RIN3: variants seen among roughly 807,000 people sequenced by gnomAD.
RIN3 encodes the protein RAB5 interacting protein 3.
Under a neutral mutation model 76.3 loss-of-function variants are expected in RIN3, and 54 were observed. The ratio of observed to expected loss-of-function variants is 0.71; its 90% CI spans 0.57 to 0.89. The LOEUF is 0.89. Among genes scored for constraint, RIN3 ranks in the 40% least tolerant of loss-of-function variants. The pLI is 0.00. For missense variants in RIN3, 1,256 were observed against 1,322.1 expected, an observed-to-expected ratio of 0.95 and a Z score of 0.78; for synonymous variants, 576 against 564.0, an observed-to-expected ratio of 1.02 and a Z score of -0.30.
intron 6 of RIN3, among the ~76,000 whole-genome samples, chr14:92,653,307 G>A (rs1887542982): frequency 6.6e-6 from 1 of 152,028 alleles, no homozygotes; most frequent in African/African-American, 2.4e-5. Flanking sequence ...TGTATTATCT[G>A]CACCCTCTCT....
intron 3 of RIN3, among the ~76,000 whole-genome samples, chr14:92,597,397 A>C (rs376728942): frequency 3.6e-4 from 55 of 152,168 alleles, no homozygotes; most frequent in African/African-American, 1.2e-3. Flanking sequence ...GAGGACCAAA[A>C]CCCTGTCATT....
intron 1 of RIN3, among the ~76,000 whole-genome samples, chr14:92,552,727 G>A (rs1016242347): frequency 1.3e-5 from 2 of 152,112 alleles, no homozygotes; most frequent in African/African-American, 2.4e-5. Context: ...TGGCCACCCA[G>A]TTTGGAACTG....
intron 1 of RIN3, among the ~76,000 whole-genome samples, chr14:92,516,834 C>T (rs1229735276): frequency 6.6e-6 from 1 of 152,216 alleles, no homozygotes; most frequent in African/African-American, 2.4e-5. Flanking sequence ...GCTTGAAATG[C>T]CACAGGGCAC....
chr14:92,612,642 G>T (rs1035691074), intron 3 of RIN3, among the ~76,000 whole-genome samples: 1 of 152,236 alleles, frequency 6.6e-6, no homozygotes, highest in African/African-American at 2.4e-5. Flanking sequence ...GGGTCTCCCC[G>T]TGTGTTGCCT....
In RIN3 at chr14:92,688,860, C is replaced by T. The variant is rs775314645; in HGVS notation, c.*608C>T. On this transcript the variant is annotated 3_prime_UTR_variant, in exon 10 of 10. Transcript: ENST00000216487. ...GCCAGGGCGCCAAGCACGGCCAGCT[C>T]CGCGGACCCATGGACAAGCCCAGCC... 4.6e-5 allele frequency: 7 copies of T among 153,834 alleles called. No homozygotes were observed. Among genetic ancestry groups the T allele is most frequent in the Admixed American group, 1.9e-4 (3 of 15,422 alleles). 9.5% of individuals were successfully genotyped at this position (153,834 alleles called of 1,614,324 possible). A position where few individuals can be genotyped will look rare whatever the true frequency, so the allele number is the denominator to read the frequency against.
At chr14:92,664,958 C>T (rs142051466) in intron 7 of RIN3, among the ~76,000 whole-genome samples, 159 of 152,220 alleles carry the variant, frequency 1.0e-3, no homozygotes, top group Middle Eastern at 3.4e-3. Flanking sequence ...TTAGATATTC[C>T]GTGTGCTTGT....
At chr14:92,554,787 G>A (rs934911354) in intron 1 of RIN3, among the ~76,000 whole-genome samples, 1 of 152,136 alleles carries the variant, frequency 6.6e-6, no homozygotes, top group Non-Finnish European at 1.5e-5. Context: ...GCCGGGCATG[G>A]TGGTGCACGC....
At chr14:92,519,825 G>A (rs10134595) in intron 1 of RIN3, among the ~76,000 whole-genome samples, 62,482 of 152,108 alleles carry the variant, frequency 0.41, 15,045 homozygotes, top group Middle Eastern at 0.62. Flanking sequence ...AGAGAGGAGT[G>A]ACGGGTACAT....
chr14:92,575,362 A>G (rs1898193924), intron 2 of RIN3, among the ~76,000 whole-genome samples: 1 of 152,156 alleles, frequency 6.6e-6, no homozygotes, highest in African/African-American at 2.4e-5. Flanking sequence ...TGGATCTGAC[A>G]CAAGAAAGAA....
At chr14:92,554,816 G>A (rs944925017) in intron 1 of RIN3, among the ~76,000 whole-genome samples, 5 of 152,122 alleles carry the variant, frequency 3.3e-5, no homozygotes, top group Middle Eastern at 3.2e-3. Flanking sequence ...CCAGCTACTC[G>A]GGAGGCTGAA....
chr14:92,558,146 C>G (rs568505982), intron 2 of RIN3, among the ~76,000 whole-genome samples: 3 of 152,140 alleles, frequency 2.0e-5, no homozygotes, highest in African/African-American at 7.2e-5. Flanking sequence ...CCCAGGAGTT[C>G]AAGACCAGCC....
At chr14:92,653,277 G>A (rs1887542635) in intron 6 of RIN3, among the ~76,000 whole-genome samples, 1 of 152,052 alleles carries the variant, frequency 6.6e-6, no homozygotes, top group South Asian at 2.1e-4. Context: ...CTAGAGAATT[G>A]ACCTTGACTG....
intron 2 of RIN3, among the ~76,000 whole-genome samples, chr14:92,559,684 G>A (rs1484090212): frequency 6.6e-6 from 1 of 152,214 alleles, no homozygotes; most frequent in African/African-American, 2.4e-5. Context: ...CTTCCTGGAG[G>A]AGGCAGACAC....
chr14:92,621,235 CAAAAA>C (rs572318532), intron 4 of RIN3, among the ~76,000 whole-genome samples: 17 of 70,700 alleles, frequency 2.4e-4, no homozygotes, highest in Non-Finnish European at 3.4e-4. Context: ...GACTCCGTCT[CAAAAA>C]AAAAAAAAAA....
intron 8 of RIN3, among the ~76,000 whole-genome samples, chr14:92,683,894 A>T (rs1219257846): frequency 1.3e-5 from 2 of 152,240 alleles, no homozygotes; most frequent in Non-Finnish European, 2.9e-5. Context: ...AAAGCATATC[A>T]AAGTTCCTTA....
chr14:92,544,420 GGGGGGGGGGGTGGGGGC>G (rs1345878147), intron 1 of RIN3, among the ~76,000 whole-genome samples: 4 of 134,812 alleles, frequency 3.0e-5, no homozygotes, highest in Admixed American at 2.9e-4. Flanking sequence ...GCTGTGGGGG[GGGGGGGGGGGTGGGGGC>G]GGGGGTCCCA....
intron 2 of RIN3, among the ~76,000 whole-genome samples, chr14:92,561,716 G>A (rs956285206): frequency 5.9e-5 from 9 of 152,182 alleles, no homozygotes; most frequent in Admixed American, 4.6e-4. Flanking sequence ...GACAGGTCTT[G>A]CTCTGTCACC....
chr14:92,627,079 T>C (rs2014418), intron 4 of RIN3, among the ~76,000 whole-genome samples: 135,269 of 152,178 alleles, frequency 0.89, 60,310 homozygotes, highest in Middle Eastern at 0.93. Flanking sequence ...ATTCTCCTTC[T>C]AATATTTCAG....
intron 2 of RIN3, among the ~76,000 whole-genome samples, chr14:92,570,388 C>G (rs1341677619): frequency 6.6e-6 from 1 of 152,170 alleles, no homozygotes; most frequent in Non-Finnish European, 1.5e-5. Flanking sequence ...TCAGGCCAGG[C>G]GCGGTGGCTC....
Sources: allele counts gnomAD v4.1 joint callset (sites outside exome capture counted in the v4.1 genomes callset), GRCh38; gene constraint gnomAD v4.1.1; transcripts MANE v1.5; gene names NCBI Gene and HGNC (gene_info 2026-07-23, HGNC 2026-07-21).